The following RNF32 variants were observed in gnomAD, a reference collection of about 807,000 sequenced individuals.
The protein encoded by RNF32 is ring finger protein 32.
RNF32 carries 36 observed loss-of-function variants against 41.0 expected under a neutral mutation model. The observed-to-expected ratio is 0.88, with a 90% confidence interval of 0.67 to 1.16. The LOEUF (loss-of-function observed/expected upper bound fraction) is 1.16, where lower values mean the gene tolerates loss of function less well. RNF32 is among the 50% of genes most tolerant of loss of function. RNF32 has a pLI of 0.00. For synonymous variants in RNF32, 154 were observed against 160.9 expected (o/e 0.96, Z 0.32); for missense variants, 413 against 436.7 (o/e 0.95, Z 0.48).
intron 3 of RNF32, among the ~76,000 whole-genome samples, chr7:156,651,165 G>A (rs1798664206): frequency 6.6e-6 from 1 of 151,562 alleles, no homozygotes; most frequent in Non-Finnish European, 1.5e-5. Context: ...CTCTAAGGCA[G>A]CCATTTTCAA....
At chr7:156,672,236 G>A (rs1327491072) in intron 7 of RNF32, among the ~76,000 whole-genome samples, 4 of 152,182 alleles carry the variant, frequency 2.6e-5, no homozygotes, top group Non-Finnish European at 2.9e-5. Flanking sequence ...TTCAACAAGT[G>A]CCTACTATGG....
At chr7:156,644,300 A>G (rs10235562) in intron 2 of RNF32, among the ~76,000 whole-genome samples, 199 bp from the exon 3 acceptor site, 2 of 152,042 alleles carry the variant, frequency 1.3e-5, no homozygotes, top group African/African-American at 4.8e-5. Flanking sequence ...TCATAATTAA[A>G]TGAAAAGATA....
rs1804135160 is a variant in RNF32, at chr7:156,676,761, C to T, written c.*106C>T. ...AAGTACTACAATGTAATCTGTTTCC[C>T]AGGGAAATAAGCTATTGGTAGTTGT... On this transcript the variant is annotated 3_prime_UTR_variant, in exon 9 of 9. Transcript: ENST00000317955. The T allele has an allele frequency of 1.3e-6, 1 of 798,998 alleles. No individual in the cohort carries two copies. Among genetic ancestry groups the T allele is most frequent in the Non-Finnish European group, 2.1e-6 (1 of 485,722 alleles). 49.5% of individuals were successfully genotyped at this position (798,998 alleles called of 1,614,324 possible).
chr7:156,676,584 G>T lies in RNF32; in HGVS notation c.1018G>T (p.Gly340Ter), dbSNP rs909187778. 5 of 1,614,214 alleles carry T rather than the reference G, an allele frequency of 3.1e-6. No individual in the cohort carries two copies. The highest frequency in any genetic ancestry group is 4.2e-6 in the Non-Finnish European group (5 of 1,180,034). ...CLLALEEFSV[G>*]DRPPFHACPL... ...GCTGGCACTAGAGGAGTTCTCCGTG[G>T]GAGACAGGCCTCCTTTCCATGCCTG... is the stretch of plus-strand genomic sequence containing the variant. Residue 340 changes from glycine (G) to a stop codon, truncating the protein, a stop_gained, in exon 9 of 9, where the codon GGA becomes TGA. Transcript: ENST00000317955. LOFTEE classifies it high-confidence loss of function.
Position 156,645,959 on chromosome 7 carries a change from T to C in RNF32, c.274+1202T>C, listed in dbSNP as rs1185801532. Among the ~76,000 whole-genome samples, 3 of 152,262 alleles carry C rather than the reference T, an allele frequency of 2.0e-5. No homozygotes were observed. In the East Asian group the frequency reaches 5.8e-4, roughly 29 times the overall value. On this transcript the variant is annotated intron_variant, in intron 3 of 8. Transcript: ENST00000317955. ...ATATTTTCATGTGACAATAATTCTG[T>C]AATGTCATTCTCTATAGAAATAAGT...
At chr7:156,672,256 G>A (rs1350572650) in intron 7 of RNF32, among the ~76,000 whole-genome samples, 2 of 152,196 alleles carry the variant, frequency 1.3e-5, no homozygotes, top group Non-Finnish European at 2.9e-5. Context: ...GTCGGTGCGT[G>A]TACTGAGCTC....
At position 156,676,459 on chromosome 7, in the gene RNF32, C is replaced by T. The variant is rs775998615; in HGVS notation, c.893C>T (p.Ala298Val). The change falls in exon 9 of 9, where the codon GCC becomes GTC. Residue 298 changes from alanine (A) to valine (V), a missense_variant. Transcript: ENST00000317955. ...ACCCACGAGTGCTCCATCTGCCTGG[C>T]CCCTCTCTCCGCTGCTGGCGGTCAG... ...RETHECSICL[A>V]PLSAAGGQRV... is the part of the protein sequence containing the mutation. 6.4e-5 allele frequency: 104 copies of T among 1,613,964 alleles called. No individual in the cohort carries two copies. The highest frequency in any genetic ancestry group is 8.6e-5 in the Non-Finnish European group (102 of 1,179,978).
intron 3 of RNF32, among the ~76,000 whole-genome samples, chr7:156,649,267 G>T (rs554313944): frequency 1.3e-5 from 2 of 151,886 alleles, no homozygotes; most frequent in African/African-American, 4.8e-5. Flanking sequence ...GTTATCATCT[G>T]ATCCACAAAT....
At chr7:156,650,573 C>T (rs1798582377) in intron 3 of RNF32, among the ~76,000 whole-genome samples, 1 of 152,180 alleles carries the variant, frequency 6.6e-6, no homozygotes, top group Admixed American at 6.5e-5. Context: ...TTCTCCCTCC[C>T]GTTCTAAGGT....
intron 3 of RNF32, among the ~76,000 whole-genome samples, chr7:156,646,075 G>A (rs59637281): frequency 0.018 from 2,815 of 152,298 alleles, 89 homozygotes; most frequent in African/African-American, 0.065. Context: ...TACTGTGTAT[G>A]GTATTGCTAC....
intron 3 of RNF32, among the ~76,000 whole-genome samples, chr7:156,651,332 G>A (rs1798707992): frequency 6.6e-6 from 1 of 151,452 alleles, no homozygotes; most frequent in African/African-American, 2.4e-5. Context: ...TCGTGCCTGA[G>A]CCTCCTGAGT....
At chr7:156,660,486 G>T (rs760072585) in intron 7 of RNF32, 4 of 176,736 alleles carry the variant, frequency 2.3e-5, no homozygotes, top group Admixed American at 1.3e-4. Flanking sequence ...TTTTGCAGGG[G>T]TGGTAGTTGA....
At position 156,658,464 on chromosome 7, in the gene RNF32, T is replaced by C; in HGVS notation, c.578T>C (p.Ile193Thr). ...ATTTTCAAATATCTGTGTTTTAGAA[T>C]CCAAGCCTACTGGAGAGGATGTGTT... ...RLFRIKCVTR[I>T]QAYWRGCVVR... The change falls in exon 7 of 9, where the codon ATC becomes ACC. Residue 193 changes from isoleucine to threonine, a missense_variant and splice_region_variant. Transcript: ENST00000317955. The C allele has an allele frequency of 6.2e-7, 1 of 1,610,746 alleles. No homozygotes were observed. Among genetic ancestry groups the C allele is most frequent in the Non-Finnish European group, 8.5e-7 (1 of 1,177,032 alleles).
intron 7 of RNF32, chr7:156,659,682 C>G (rs1423700701): frequency 1.1e-6 from 1 of 920,942 alleles, no homozygotes; most frequent in African/African-American, 1.8e-5. Context: ...GATAAAGGCC[C>G]ACTGAAAGTG....
chr7:156,671,605 G>A (rs1270870432), intron 7 of RNF32, among the ~76,000 whole-genome samples: 1 of 152,220 alleles, frequency 6.6e-6, no homozygotes, highest in African/African-American at 2.4e-5. Context: ...TTCTAGATTC[G>A]GGGGTGCCTG....
At chr7:156,657,791 GA>G in intron 5 of RNF32, 1 of 613,282 alleles carries the variant, frequency 1.6e-6, no homozygotes. Context: ...TTATGTAACA[GA>G]TTGTTGTCAG....
chr7:156,647,384 T>C (rs1278984738), intron 3 of RNF32, among the ~76,000 whole-genome samples: 1 of 151,912 alleles, frequency 6.6e-6, no homozygotes, highest in Non-Finnish European at 1.5e-5. Flanking sequence ...ATGTCCATTA[T>C]ACCACTGTGT....
At chr7:156,653,203 C>T (rs1799024945) in intron 3 of RNF32, among the ~76,000 whole-genome samples, 1 of 152,144 alleles carries the variant, frequency 6.6e-6, no homozygotes, top group South Asian at 2.1e-4. Flanking sequence ...TTTTACTATA[C>T]CTTTTCCATG....
intron 3 of RNF32, among the ~76,000 whole-genome samples, chr7:156,649,766 C>T (rs955747645): frequency 6.6e-6 from 1 of 152,118 alleles, no homozygotes; most frequent in African/African-American, 2.4e-5. Context: ...TTGAATAAAC[C>T]CTACTTGCCC....
Sources: gnomAD v4.1 joint callset for allele counts (sites outside exome capture counted in the v4.1 genomes callset) on GRCh38, gnomAD v4.1.1 for gene constraint, MANE v1.5 for transcripts, NCBI Gene and HGNC (gene_info 2026-07-23, HGNC 2026-07-21) for gene names.